The following LYPLAL1 variants were observed in gnomAD, a reference collection of about 807,000 sequenced individuals.
The protein encoded by LYPLAL1 is lysophospholipase like 1, also known as lysophospholipase-like protein 1.
In LYPLAL1, 23 loss-of-function variants were observed where a neutral mutation model predicts 19.7. The observed-to-expected ratio is 1.17, with a 90% CI of 0.84 to 1.65. LYPLAL1 has a LOEUF of 1.65. Among genes scored for constraint, LYPLAL1 ranks in the 40% most tolerant of loss-of-function variants. The pLI is 0.00. For missense variants in LYPLAL1, 355 were observed against 279.4 expected, an observed-to-expected ratio of 1.27 and a Z score of -1.93; for synonymous variants, 119 against 96.3, an observed-to-expected ratio of 1.24 and a Z score of -1.38.
the LYPLAL1 span, among the ~76,000 whole-genome samples, chr1:219,382,111 G>C: frequency 6.6e-6 from 1 of 152,198 alleles, no homozygotes; most frequent in African/African-American, 2.4e-5. Flanking sequence ...AAGAGACACA[G>C]TCAGGGAGGA....
the LYPLAL1 span, among the ~76,000 whole-genome samples, chr1:219,426,689 C>G: frequency 6.6e-6 from 1 of 152,112 alleles, no homozygotes; most frequent in Non-Finnish European, 1.5e-5. Flanking sequence ...ACCTCTGCCT[C>G]CCAGGTTCAA....
At chr1:219,184,046 T>G (rs1321783422) in intron 2 of LYPLAL1, among the ~76,000 whole-genome samples, 2 of 151,904 alleles carry the variant, frequency 1.3e-5, no homozygotes, top group Non-Finnish European at 2.9e-5. Flanking sequence ...TCTATGTTAC[T>G]TGCATTTACG....
the LYPLAL1 span, among the ~76,000 whole-genome samples, chr1:219,417,711 C>A: frequency 2.0e-5 from 3 of 152,232 alleles, no homozygotes; most frequent in Non-Finnish European, 4.4e-5. Flanking sequence ...TTGTCCCATC[C>A]TGCAGAGTCT....
chr1:219,396,094 C>T, the LYPLAL1 span, among the ~76,000 whole-genome samples: 2 of 128,414 alleles, frequency 1.6e-5, no homozygotes, highest in Admixed American at 8.3e-5. Flanking sequence ...CAGAGCAAGA[C>T]TCCATCTCAA....
chr1:219,206,723 C>CTT (rs531260610), intron 3 of LYPLAL1, among the ~76,000 whole-genome samples: 3 of 141,836 alleles, frequency 2.1e-5, no homozygotes, highest in Non-Finnish European at 4.6e-5. Flanking sequence ...TTCTTTCTCT[C>CTT]TTTTTTTTTT....
the LYPLAL1 span, among the ~76,000 whole-genome samples, chr1:219,333,764 A>G: frequency 3.9e-5 from 6 of 152,048 alleles, no homozygotes; most frequent in South Asian, 2.1e-4. Flanking sequence ...TTTTCTTCTT[A>G]TAGTATCCTG....
rs371809048 is a variant in LYPLAL1, at chr1:219,201,898, C to A, written c.362-8634C>A. On this transcript the variant is annotated intron_variant, in intron 3 of 4. Transcript: ENST00000366928. ...ATACGTTAGTTATTGATTCATAGAGCAAATAATATTCAAGTCTTTTGTTGC... is the reference window on the plus strand; with the variant it reads ...ATACGTTAGTTATTGATTCATAGAGAAAATAATATTCAAGTCTTTTGTTGC... Among the ~76,000 whole-genome samples, 56 of 152,262 alleles carry A rather than the reference C, an allele frequency of 3.7e-4. No homozygotes were observed. The South Asian group carries it at 0.011, about 30-fold the overall frequency.
the LYPLAL1 span, chr1:219,272,863 G>T: frequency 6.6e-6 from 1 of 151,820 alleles, no homozygotes; most frequent in Non-Finnish European, 1.5e-5. Context: ...AATCGGAATT[G>T]CTGTATTATC....
At chr1:219,193,326 C>T in intron 3 of LYPLAL1, 75 bp downstream of exon 3, 1 of 1,224,918 alleles carries the variant, frequency 8.2e-7, no homozygotes, top group Non-Finnish European at 1.1e-6. Flanking sequence ...TTACTTGGAA[C>T]ATTATTTAGA....
the LYPLAL1 span, among the ~76,000 whole-genome samples, chr1:219,405,037 C>A: frequency 2.6e-5 from 4 of 152,204 alleles, no homozygotes; most frequent in Non-Finnish European, 4.4e-5. Flanking sequence ...TGTTAATCAT[C>A]ATCTATTTAA....
At chr1:219,372,529 C>G in the LYPLAL1 span, among the ~76,000 whole-genome samples, 2 of 152,142 alleles carry the variant, frequency 1.3e-5, no homozygotes, top group Non-Finnish European at 2.9e-5. Context: ...ACTCTGAATT[C>G]TGAGATAACA....
the LYPLAL1 span, among the ~76,000 whole-genome samples, chr1:219,419,594 C>CACACACACACACACAG: frequency 2.1e-3 from 213 of 99,582 alleles, 2 homozygotes; most frequent in Middle Eastern, 5.4e-3. Context: ...CACACACACA[C>CACACACACACACACAG]AGAGAGAGAG....
chr1:219,207,246 T>A (rs1558243655), intron 3 of LYPLAL1, among the ~76,000 whole-genome samples: 1 of 152,096 alleles, frequency 6.6e-6, no homozygotes, highest in Non-Finnish European at 1.5e-5. Context: ...ACTTTTTGTT[T>A]TTACCCATTT....
the LYPLAL1 span, chr1:219,273,148 TTTTGCTCTC>T: frequency 6.6e-6 from 1 of 152,226 alleles, no homozygotes; most frequent in African/African-American, 2.4e-5. Flanking sequence ...ATTTACTATA[TTTTGCTCTC>T]CACATGAGCT....
the LYPLAL1 span, among the ~76,000 whole-genome samples, chr1:219,344,451 G>T: frequency 1.2e-4 from 18 of 152,124 alleles, no homozygotes; most frequent in Admixed American, 1.0e-3. Flanking sequence ...CTTCCCCCAG[G>T]ATTTATCCTT....
the LYPLAL1 span, among the ~76,000 whole-genome samples, chr1:219,284,030 C>T: frequency 1.3e-5 from 2 of 152,158 alleles, no homozygotes; most frequent in African/African-American, 4.8e-5. Flanking sequence ...GGGGATGGTT[C>T]CCTCCATGCT....
At chr1:219,347,191 T>C in the LYPLAL1 span, among the ~76,000 whole-genome samples, 1 of 152,222 alleles carries the variant, frequency 6.6e-6, no homozygotes, top group African/African-American at 2.4e-5. Flanking sequence ...TCCATTTCCT[T>C]TCTCTTATCC....
the LYPLAL1 span, among the ~76,000 whole-genome samples, chr1:219,323,612 T>G: frequency 5.5e-3 from 839 of 152,280 alleles, 21 homozygotes; most frequent in East Asian, 0.044. Flanking sequence ...AAATGAAACA[T>G]GTACCAAAGT....
chr1:219,305,670 C>A, the LYPLAL1 span, among the ~76,000 whole-genome samples: 1 of 152,146 alleles, frequency 6.6e-6, no homozygotes, highest in Non-Finnish European at 1.5e-5. Context: ...CTGTTGAAAA[C>A]CCTATCGTTT....
Sources: allele counts gnomAD v4.1 joint callset (sites outside exome capture counted in the v4.1 genomes callset), GRCh38; gene constraint gnomAD v4.1.1; transcripts MANE v1.5; gene names NCBI Gene and HGNC (gene_info 2026-07-23, HGNC 2026-07-21).